Variants in VPS13B observed in about 807,000 individuals in gnomAD.
VPS13B encodes the protein intermembrane lipid transfer protein VPS13B.
In VPS13B, 285 loss-of-function variants were observed where a neutral mutation model predicts 426.4. The observed-to-expected ratio is 0.67, with a 90% confidence interval of 0.61 to 0.74. The LOEUF is 0.74. VPS13B is among the 30% of genes least tolerant of loss of function. The pLI, the probability that VPS13B is intolerant of heterozygous loss-of-function variation, is 0.00. For synonymous variants in VPS13B, 1,676 were observed against 1,676.4 expected (o/e 1.00, Z 0.01); for missense variants, 4,537 against 4,782.6 (o/e 0.95, Z 1.51).
chr8:99,516,199 C>A (rs183040141), intron 29 of VPS13B, among the ~76,000 whole-genome samples: 2,900 of 152,130 alleles, frequency 0.019, 62 homozygotes, highest in Non-Finnish European at 0.028. Context: ...TCATAATTCA[C>A]CCATGAAAAG....
At chr8:99,397,981 T>C (rs1327282712) in intron 21 of VPS13B, among the ~76,000 whole-genome samples, 5 of 152,178 alleles carry the variant, frequency 3.3e-5, no homozygotes, top group Non-Finnish European at 7.3e-5. Context: ...GAGTGGATAG[T>C]AGAGATTATT....
At chr8:99,536,529 T>A (rs1178748455) in intron 30 of VPS13B, 2 of 383,922 alleles carry the variant, frequency 5.2e-6, no homozygotes, top group Non-Finnish European at 1.1e-5. Flanking sequence ...GTGAAAAATG[T>A]CATATACATA....
intron 43 of VPS13B, among the ~76,000 whole-genome samples, chr8:99,791,381 A>G (rs1304690449): frequency 6.6e-6 from 1 of 152,136 alleles, no homozygotes; most frequent in East Asian, 1.9e-4. Context: ...CAGCTCCAGC[A>G]CACCACTGTC....
At chr8:99,051,187 A>G (rs992688532) in intron 3 of VPS13B, among the ~76,000 whole-genome samples, 2 of 152,098 alleles carry the variant, frequency 1.3e-5, no homozygotes, top group African/African-American at 4.8e-5. Flanking sequence ...GTCTTTAATC[A>G]TCTTGAATTA....
intron 55 of VPS13B, among the ~76,000 whole-genome samples, chr8:99,849,107 G>A (rs1816128458): frequency 6.6e-6 from 1 of 152,152 alleles, no homozygotes; most frequent in African/African-American, 2.4e-5. Flanking sequence ...CACTCCTTCT[G>A]TGGTAGGGTT....
intron 33 of VPS13B, among the ~76,000 whole-genome samples, chr8:99,588,816 G>A (rs1248615858): frequency 6.6e-6 from 1 of 151,656 alleles, no homozygotes; most frequent in Non-Finnish European, 1.5e-5. Flanking sequence ...TCTTTCTCTT[G>A]CCTGATTGCC....
chr8:99,256,484 C>G (rs1416690237), intron 17 of VPS13B, among the ~76,000 whole-genome samples: 1 of 152,202 alleles, frequency 6.6e-6, no homozygotes, highest in East Asian at 1.9e-4. Context: ...CTGTTTTCCA[C>G]TGTACCATTT....
chr8:99,462,518 T>G (rs1262060294), intron 23 of VPS13B, among the ~76,000 whole-genome samples: 1 of 152,178 alleles, frequency 6.6e-6, no homozygotes, highest in African/African-American at 2.4e-5. Flanking sequence ...ATTCTTCCTA[T>G]GTACAGCTTT....
At chr8:99,263,529 C>T (rs1435397072) in intron 17 of VPS13B, among the ~76,000 whole-genome samples, 1 of 152,120 alleles carries the variant, frequency 6.6e-6, no homozygotes, top group Non-Finnish European at 1.5e-5. Flanking sequence ...AACCCCTTTC[C>T]CTGCTTTTTC....
intron 22 of VPS13B, among the ~76,000 whole-genome samples, chr8:99,437,044 G>A (rs1444828193): frequency 6.6e-6 from 1 of 152,008 alleles, no homozygotes; most frequent in Non-Finnish European, 1.5e-5. Flanking sequence ...TAAAAACGTT[G>A]TCCATTTTTT....
chr8:99,332,626 A>G (rs1448271984), intron 19 of VPS13B, among the ~76,000 whole-genome samples: 1 of 151,676 alleles, frequency 6.6e-6, no homozygotes, highest in Non-Finnish European at 1.5e-5. Context: ...ACGTACAGTC[A>G]TAGGCTATTC....
chr8:99,044,784 A>G (rs1843132809), intron 3 of VPS13B, among the ~76,000 whole-genome samples: 2 of 151,752 alleles, frequency 1.3e-5, no homozygotes, highest in African/African-American at 4.8e-5. Flanking sequence ...GATAGTCTCC[A>G]ATCTCCTCCA....
At chr8:99,764,265 G>T (rs546140717) in intron 39 of VPS13B, among the ~76,000 whole-genome samples, 1 of 152,156 alleles carries the variant, frequency 6.6e-6, no homozygotes, top group African/African-American at 2.4e-5. Context: ...TCTGAGGATG[G>T]TAATTAGGGA....
chr8:99,696,196 C>G (rs1831991488), intron 35 of VPS13B: 1 of 177,772 alleles, frequency 5.6e-6, no homozygotes, highest in Admixed American at 5.9e-5. Flanking sequence ...ACTCTTCACG[C>G]CGTGTCTCTG....
At chr8:99,613,168 G>T (rs1050156382) in intron 33 of VPS13B, among the ~76,000 whole-genome samples, 2 of 152,116 alleles carry the variant, frequency 1.3e-5, no homozygotes, top group Non-Finnish European at 2.9e-5. Context: ...TTCATCTTTA[G>T]TGTCTCAAAA....
chr8:99,396,217 A>T (rs1272327189), intron 21 of VPS13B, among the ~76,000 whole-genome samples: 1 of 152,120 alleles, frequency 6.6e-6, no homozygotes, highest in Admixed American at 6.5e-5. Context: ...ATGATTTGGA[A>T]TTATCTATGT....
intron 51 of VPS13B, among the ~76,000 whole-genome samples, chr8:99,826,053 GC>G (rs1270355385): frequency 2.0e-5 from 3 of 152,170 alleles, no homozygotes; most frequent in Non-Finnish European, 4.4e-5. Context: ...GGCTATGCAT[GC>G]TCTTTTTTGG....
At chr8:99,832,321 G>A (rs1203891414) in intron 51 of VPS13B, 48 bp from the exon 52 acceptor site, 9 of 1,435,174 alleles carry the variant, frequency 6.3e-6, no homozygotes, top group Non-Finnish European at 8.2e-6. Context: ...CTGTATTACT[G>A]TAGCTAATGT....
At chr8:99,234,003 T>G (rs1816501497) in intron 17 of VPS13B, 1 of 775,596 alleles carries the variant, frequency 1.3e-6, no homozygotes, top group East Asian at 2.4e-5. Flanking sequence ...TTCACTATGG[T>G]CAAGCCCTCC....
Sources: allele counts gnomAD v4.1 joint callset (sites outside exome capture counted in the v4.1 genomes callset), GRCh38; gene constraint gnomAD v4.1.1; transcripts MANE v1.5; gene names NCBI Gene and HGNC (gene_info 2026-07-23, HGNC 2026-07-21).